SHCBP1: variants seen among roughly 807,000 people sequenced by gnomAD.
SHCBP1 encodes SHC SH2 domain-binding protein 1.
In SHCBP1, 60 loss-of-function variants were observed where a neutral mutation model predicts 75.1. The ratio of observed to expected loss-of-function variants is 0.80; its 90% CI spans 0.65 to 0.99. SHCBP1 has a LOEUF of 0.99. Among genes scored for constraint, SHCBP1 ranks in the 50% least tolerant of loss-of-function variants. The pLI is 0.00. For missense variants in SHCBP1, 709 were observed against 809.4 expected (o/e 0.88, Z 1.50); for synonymous variants, 290 against 293.2 (o/e 0.99, Z 0.11).
At chr16:46,610,755 C>T (rs1275865700) in intron 4 of SHCBP1, among the ~76,000 whole-genome samples, 2 of 151,458 alleles carry the variant, frequency 1.3e-5, no homozygotes, top group South Asian at 2.1e-4. Flanking sequence ...GATGGGGTTT[C>T]GCCATGTTGT....
At chr16:46,619,550 G>A (rs1406042794) in intron 1 of SHCBP1, among the ~76,000 whole-genome samples, 2 of 151,980 alleles carry the variant, frequency 1.3e-5, no homozygotes, top group East Asian at 3.9e-4. Context: ...ACCTATAAAG[G>A]GAAGATAATA....
At chr16:46,583,395 C>T (rs1964902025) in intron 12 of SHCBP1, 121 bp downstream of exon 12, 1 of 1,018,748 alleles carries the variant, frequency 9.8e-7, no homozygotes, top group African/African-American at 1.6e-5. Flanking sequence ...TCTCTCTCTC[C>T]ATGCCCAAGC....
intron 10 of SHCBP1, among the ~76,000 whole-genome samples, chr16:46,592,183 GA>G (rs1178199483): frequency 1.3e-5 from 2 of 150,862 alleles, no homozygotes; most frequent in Admixed American, 6.6e-5. Context: ...TTATCAAAAA[GA>G]AAAAAAACAC....
At chr16:46,583,061 C>T (rs1338261402) in intron 12 of SHCBP1, among the ~76,000 whole-genome samples, 1 of 152,130 alleles carries the variant, frequency 6.6e-6, no homozygotes, top group Non-Finnish European at 1.5e-5. Context: ...CAGAGGTAAA[C>T]TCCACTATCC....
Position 46,581,872 on chromosome 16 carries a change from C to A in SHCBP1, c.1876G>T (p.Gly626Cys). ...CTCAACCTTTTCTTCTTTATCTGGCCTTTCTGTGTGGAGGCAGCAATTAGT... is the reference window on the plus strand; with the variant it reads ...CTCAACCTTTTCTTCTTTATCTGGCATTTCTGTGTGGAGGCAGCAATTAGT... ...NELIAASTQK[G>C]QIKKKRLSEL... is the part of the protein sequence containing the mutation. The change falls in exon 13 of 13, where the codon GGC becomes TGC. Residue 626 changes from glycine (G) to cysteine (C), a missense_variant. Coordinates refer to ENST00000303383, the MANE Select transcript of SHCBP1 (RefSeq NM_024745.5). 5.6e-6 allele frequency: 9 copies of A among 1,614,138 alleles called. No individual in the cohort carries two copies. The highest frequency in any genetic ancestry group is 7.6e-6 in the Non-Finnish European group (9 of 1,180,026).
intron 4 of SHCBP1, among the ~76,000 whole-genome samples, chr16:46,615,320 C>T (rs1053850827): frequency 4.6e-5 from 7 of 152,106 alleles, no homozygotes; most frequent in African/African-American, 1.2e-4. Context: ...AAATGTTATA[C>T]TCAGATTTTT....
Position 46,584,333 on chromosome 16 carries a change from TAA to T in SHCBP1, c.1465-246_1465-245del, listed in dbSNP as rs1964922120. The T allele has an allele frequency of 1.1e-5, 3 of 277,864 alleles. No individual in the cohort carries two copies. In the East Asian group the frequency reaches 1.8e-4, roughly 17 times the overall value. The allele number at this position is 277,864 out of a possible 1,614,324, so 17.2% of individuals were successfully genotyped here. On this transcript the variant is annotated intron_variant, in intron 10 of 12. Transcript: ENST00000303383. ...CACACACACACACACACACACACGC[TAA>T]GAGTGCCAACACTTGATTCTTGCTC...
intron 10 of SHCBP1, among the ~76,000 whole-genome samples, chr16:46,587,505 T>C (rs572922267): frequency 1.2e-4 from 18 of 152,296 alleles, no homozygotes; most frequent in African/African-American, 4.3e-4. Flanking sequence ...CTCAACTATA[T>C]GCTGTCTACA....
At chr16:46,614,609 A>C (rs1341599066) in intron 4 of SHCBP1, among the ~76,000 whole-genome samples, 1 of 152,220 alleles carries the variant, frequency 6.6e-6, no homozygotes, top group Non-Finnish European at 1.5e-5. Flanking sequence ...AAAGACTCAC[A>C]GGCAGGAATA....
In SHCBP1 at chr16:46,621,309, C is replaced by G. The variant is rs1194958601; in HGVS notation, c.51G>C (p.Ala17=). 1.2e-6 allele frequency: 2 copies of G among 1,611,190 alleles called. No individual in the cohort carries two copies. The highest frequency in any genetic ancestry group is 1.7e-5 in the Admixed American group (1 of 59,956). The change falls in exon 1 of 13, where the codon GCG becomes GCC. Residue 17 remains alanine, a synonymous_variant. Coordinates refer to ENST00000303383, the MANE Select transcript of SHCBP1 (RefSeq NM_024745.5). The stretch of plus-strand genomic sequence containing the variant: ...CCACCGCCCAGCCCATGCGCTCCGG[C>G]GCCATGGCCGCTGCCTCCAGACCGC... ...TGGGLEAAAM[A]PERMGWAVEQ... is the part of the protein sequence containing the mutation.
intron 4 of SHCBP1, among the ~76,000 whole-genome samples, chr16:46,610,375 T>C (rs1965390609): frequency 1.3e-5 from 2 of 152,126 alleles, no homozygotes; most frequent in African/African-American, 4.8e-5. Flanking sequence ...TCTTTCACAG[T>C]TGACTTGTTC....
intron 10 of SHCBP1, among the ~76,000 whole-genome samples, chr16:46,586,904 T>C (rs1964962443): frequency 6.6e-6 from 1 of 151,026 alleles, no homozygotes; most frequent in Admixed American, 6.6e-5. Flanking sequence ...GAAGGAAAAA[T>C]AGGAAAATTT....
Position 46,580,042 on chromosome 16 carries a change from T to C in SHCBP1, c.*1687A>G, listed in dbSNP as rs974709290. On this transcript the variant is annotated 3_prime_UTR_variant, in exon 13 of 13. Coordinates refer to ENST00000303383, the MANE Select transcript of SHCBP1 (RefSeq NM_024745.5). ...CAGGCGACTGAGGCAGGAGAATTGC[T>C]TGAATTCAGGAGGTGGAGGTTACAG... 6.6e-6 allele frequency among the ~76,000 whole-genome samples: 1 copy of C among 151,736 alleles called. No homozygotes were observed. The highest frequency in any genetic ancestry group is 1.5e-5 in the Non-Finnish European group (1 of 67,952).
Position 46,589,533 on chromosome 16 carries a change from G to C in SHCBP1, c.1465-5444C>G, listed in dbSNP as rs566987750. ...CAAGCATTCCTATACACCAATAACA[G>C]ATAAACAGAGAGTCAAATCATAAGT... On this transcript the variant is annotated intron_variant, in intron 10 of 12. Transcript: ENST00000303383. Among the ~76,000 whole-genome samples, 5 of 152,212 alleles carry C rather than the reference G, an allele frequency of 3.3e-5. No homozygotes were observed. The South Asian group carries it at 1.0e-3, about 32-fold the overall frequency.
At chr16:46,610,352 T>C (rs1470194577) in intron 4 of SHCBP1, among the ~76,000 whole-genome samples, 1 of 152,068 alleles carries the variant, frequency 6.6e-6, no homozygotes, top group Admixed American at 6.6e-5. Flanking sequence ...TTCCCCTAAT[T>C]GTCTCCTGCT....
chr16:46,590,681 G>A (rs183164628), intron 10 of SHCBP1, among the ~76,000 whole-genome samples: 2 of 152,312 alleles, frequency 1.3e-5, no homozygotes, highest in East Asian at 3.9e-4. Context: ...GAGCTGGAGA[G>A]GATGTGGAGA....
chr16:46,612,975 C>G (rs189899106), intron 4 of SHCBP1, among the ~76,000 whole-genome samples: 30 of 152,248 alleles, frequency 2.0e-4, no homozygotes, highest in Non-Finnish European at 3.5e-4. Flanking sequence ...CCACTCTAGT[C>G]CTCTCTCTTG....
chr16:46,596,730 C>CA (rs1965149467), intron 9 of SHCBP1, among the ~76,000 whole-genome samples: 1 of 139,908 alleles, frequency 7.1e-6, no homozygotes, highest in Non-Finnish European at 1.6e-5. Flanking sequence ...AATGAGTAAA[C>CA]TTTTTTTTTT....
chr16:46,585,118 C>T (rs1964936722), intron 10 of SHCBP1, among the ~76,000 whole-genome samples: 1 of 151,988 alleles, frequency 6.6e-6, no homozygotes, highest in Admixed American at 6.6e-5. Flanking sequence ...ATATCTATAG[C>T]AAGATGGTTA....
Sources: gnomAD v4.1 joint callset for allele counts (sites outside exome capture counted in the v4.1 genomes callset) on GRCh38, gnomAD v4.1.1 for gene constraint, MANE v1.5 for transcripts, NCBI Gene and HGNC (gene_info 2026-07-23, HGNC 2026-07-21) for gene names.